The following KMT2C variants were observed in gnomAD, a reference collection of about 807,000 sequenced individuals.
KMT2C encodes histone-lysine N-methyltransferase 2C.
A neutral mutation model predicts 507.9 loss-of-function variants in KMT2C; 88 were observed. The observed-to-expected ratio is 0.17, with a 90% CI of 0.15 to 0.21. The LOEUF is 0.21. Among genes scored for constraint, KMT2C ranks in the 10% least tolerant of loss-of-function variants. The probability of loss-of-function intolerance (pLI) is 1.00; values close to 1 mark genes in which losing one functional copy is unlikely to be tolerated. For synonymous variants in KMT2C, 2,049 were observed against 2,080.8 expected, an observed-to-expected ratio of 0.98 and a Z score of 0.42; for missense variants, 4,954 against 5,957.8, an observed-to-expected ratio of 0.83 and a Z score of 5.55.
intron 38 of KMT2C, among the ~76,000 whole-genome samples, chr7:152,175,334 T>G (rs191655472): frequency 3.2e-4 from 48 of 152,074 alleles, no homozygotes; most frequent in African/African-American, 1.1e-3. Context: ...TTTTTTTTAA[T>G]TATTATACTT....
rs2129112611 is a variant in KMT2C at position 152,176,210 on chromosome 7, T to C, written c.9243A>G (p.Glu3081=). Residue 3081 remains glutamate, a synonymous_variant, in exon 38 of 59, where the codon GAA becomes GAG. Transcript: ENST00000262189. Reference sequence around the variant, plus strand: ...TCCTACCAATATTAGGGAAGAACGGTTCTGATCGCTGACGAATCATGGCTT... The same window carrying C: ...TCCTACCAATATTAGGGAAGAACGGCTCTGATCGCTGACGAATCATGGCTT... ...QMQAMIRQRS[E]PFFPNIDFDA... is the part of the protein sequence containing the mutation. The C allele has an allele frequency of 3.7e-6, 6 of 1,609,510 alleles. No individual in the cohort carries two copies. The highest frequency in any genetic ancestry group is 5.1e-6 in the Non-Finnish European group (6 of 1,177,520).
intron 23 of KMT2C, among the ~76,000 whole-genome samples, chr7:152,211,009 A>G (rs1333411867): frequency 6.6e-6 from 1 of 152,230 alleles, no homozygotes; most frequent in Non-Finnish European, 1.5e-5. Context: ...ACTGAAGGAT[A>G]TAAGACAGCA....
At position 152,358,596 on chromosome 7, in the gene KMT2C, C is replaced by A; in HGVS notation, c.241G>T (p.Val81Leu). 1 of 1,603,524 alleles carries A rather than the reference C, an allele frequency of 6.2e-7. No homozygotes were observed. The highest frequency in any genetic ancestry group is 8.5e-7 in the Non-Finnish European group (1 of 1,171,752). Residue 81 changes from valine (V) to leucine (L), a missense_variant, in exon 2 of 59, where the codon GTG becomes TTG. Transcript: ENST00000262189. Reference protein sequence around the residue: ...GLETTETETIVETEIKEQSAE... With the variant: ...GLETTETETILETEIKEQSAE... ...TCTTGAGTTCTGATACCTGTTTCCACAATCGTTTCTGTTTCTGTTGTCTCC... is the reference window on the plus strand; with the variant it reads ...TCTTGAGTTCTGATACCTGTTTCCAAAATCGTTTCTGTTTCTGTTGTCTCC...
rs936039354 is a variant in KMT2C, at chr7:152,352,342, T to C, written c.250+6245A>G. ...TGCGTGCCCGAAACTTCATTACCAA[T>C]TTTAATTTCGCCCTGGTCCTGTGGT... On this transcript the variant is annotated intron_variant, in intron 2 of 58. Coordinates refer to ENST00000262189, the MANE Select transcript of KMT2C (RefSeq NM_170606.3). Among the ~76,000 whole-genome samples, 6 of 152,338 alleles carry C rather than the reference T, an allele frequency of 3.9e-5. No individual in the cohort carries two copies. The East Asian group carries it at 1.2e-3, about 29-fold the overall frequency.
intron 41 of KMT2C, among the ~76,000 whole-genome samples, 188 bp downstream of exon 41, chr7:152,168,997 CA>C (rs1174159345): frequency 6.6e-6 from 1 of 152,142 alleles, no homozygotes; most frequent in Non-Finnish European, 1.5e-5. Context: ...TCTTCATGCA[CA>C]GTGAAAAAAG....
intron 6 of KMT2C, among the ~76,000 whole-genome samples, chr7:152,279,015 A>G: frequency 6.6e-6 from 1 of 152,234 alleles, no homozygotes; most frequent in East Asian, 1.9e-4. Flanking sequence ...CATTCTATTC[A>G]AATATACATA....
chr7:152,202,495 C>T (rs993790117), intron 26 of KMT2C, among the ~76,000 whole-genome samples: 3 of 152,098 alleles, frequency 2.0e-5, no homozygotes, highest in African/African-American at 7.2e-5. Context: ...TTTGGTTCTC[C>T]AGGCCTCTAA....
At chr7:152,220,315 G>A in intron 23 of KMT2C, 3 of 565,846 alleles carry the variant, frequency 5.3e-6, no homozygotes, top group South Asian at 2.1e-5. Context: ...TGTAAGGTAG[G>A]TCTGTTCTAA....
intron 1 of KMT2C, among the ~76,000 whole-genome samples, chr7:152,415,257 G>A (rs62495294): frequency 6.6e-6 from 1 of 151,494 alleles, no homozygotes; most frequent in Non-Finnish European, 1.5e-5. Flanking sequence ...TAATTAGATA[G>A]GAAATAGGAA....
chr7:152,424,264 C>T (rs553371083), intron 1 of KMT2C, among the ~76,000 whole-genome samples: 1 of 152,276 alleles, frequency 6.6e-6, no homozygotes, highest in East Asian at 1.9e-4. Flanking sequence ...AAGGCATGTA[C>T]TACCACACCC....
chr7:152,356,615 G>A (rs1010354719), intron 2 of KMT2C, among the ~76,000 whole-genome samples: 1 of 151,420 alleles, frequency 6.6e-6, no homozygotes, highest in Non-Finnish European at 1.5e-5. Flanking sequence ...ATCAGGCACG[G>A]CGCGGTGACT....
chr7:152,292,971 A>G (rs1189759819), intron 6 of KMT2C, among the ~76,000 whole-genome samples: 18 of 152,186 alleles, frequency 1.2e-4, no homozygotes, highest in Admixed American at 1.2e-3. Flanking sequence ...AACATTTTAT[A>G]CAGCTTTTCT....
At chr7:152,429,206 T>C (rs2097846793) in intron 1 of KMT2C, among the ~76,000 whole-genome samples, 1 of 152,224 alleles carries the variant, frequency 6.6e-6, no homozygotes, top group Non-Finnish European at 1.5e-5. Context: ...TCCCAGGACA[T>C]ATTTAGCACT....
At chr7:152,280,353 T>C (rs1480435234) in intron 6 of KMT2C, among the ~76,000 whole-genome samples, 1 of 151,222 alleles carries the variant, frequency 6.6e-6, no homozygotes, top group African/African-American at 2.4e-5. Flanking sequence ...CCATCCTGGC[T>C]AACACGGTAA....
chr7:152,393,016 G>C (rs2097512046), intron 1 of KMT2C, among the ~76,000 whole-genome samples: 1 of 152,138 alleles, frequency 6.6e-6, no homozygotes, highest in South Asian at 2.1e-4. Context: ...AGGATTACTT[G>C]AGCCAGGGAG....
chr7:152,204,785 C>T (rs2094253645), intron 25 of KMT2C, among the ~76,000 whole-genome samples: 1 of 151,828 alleles, frequency 6.6e-6, no homozygotes, highest in Non-Finnish European at 1.5e-5. Context: ...AGTCCCTAAA[C>T]CATTTATATT....
At chr7:152,359,765 A>G (rs2097180674) in intron 1 of KMT2C, among the ~76,000 whole-genome samples, 1 of 152,042 alleles carries the variant, frequency 6.6e-6, no homozygotes, top group Admixed American at 6.6e-5. Context: ...AAAGTGAAAA[A>G]CAGCTGGCTG....
intron 6 of KMT2C, among the ~76,000 whole-genome samples, chr7:152,282,250 T>C (rs1436513546): frequency 4.0e-5 from 6 of 151,020 alleles, no homozygotes; most frequent in Non-Finnish European, 2.9e-5. Flanking sequence ...TGAGCCAAGA[T>C]TGCGCCACTG....
rs117397331 is a variant in KMT2C at position 152,166,944 on chromosome 7, C to T, written c.9750+202G>A. 5.0e-4 allele frequency among the ~76,000 whole-genome samples: 76 copies of T among 152,158 alleles called. 1 individual carries two copies. The East Asian group carries it at 0.012, about 24-fold the overall frequency. ...TCATTTATTTAGTATGTGCTGTGAC[C>T]GTCACTTTAAGTAAAAGACTGGAGC... On this transcript the variant is annotated intron_variant, in intron 42 of 58. Transcript: ENST00000262189.
Sources: allele counts gnomAD v4.1 joint callset (sites outside exome capture counted in the v4.1 genomes callset), GRCh38; gene constraint gnomAD v4.1.1; transcripts MANE v1.5; gene names NCBI Gene and HGNC (gene_info 2026-07-23, HGNC 2026-07-21).